EPS8L2: variants seen among roughly 807,000 people sequenced by gnomAD.
The protein encoded by EPS8L2 is epidermal growth factor receptor kinase substrate 8-like protein 2.
In EPS8L2, 81 loss-of-function variants were observed where a neutral mutation model predicts 99.4. That is an observed-to-expected ratio of 0.82 (90% CI 0.68 to 0.98). The LOEUF is 0.98. EPS8L2 is among the 50% of genes least tolerant of loss of function. The pLI is 0.00. For synonymous variants in EPS8L2, 509 were observed against 407.3 expected, an observed-to-expected ratio of 1.25 and a Z score of -3.01; for missense variants, 1,155 against 968.8, an observed-to-expected ratio of 1.19 and a Z score of -2.55.
Position 726,690 on chromosome 11 carries a change from T to C in EPS8L2, c.2006T>C (p.Val669Ala). ...CTCAACAAGGAGGAGCTGAAGAAAGTGTGCGGCGAGGAGGGCGTCCGCGTG... is the reference window on the plus strand; with the variant it reads ...CTCAACAAGGAGGAGCTGAAGAAAGCGTGCGGCGAGGAGGGCGTCCGCGTG... ...FSLNKEELKK[V>A]CGEEGVRVYS... Residue 669 changes from valine to alanine, a missense_variant, in exon 20 of 21, where the codon GTG becomes GCG. Transcript: ENST00000318562. 1 of 1,586,126 alleles carries C rather than the reference T, an allele frequency of 6.3e-7. No homozygotes were observed. The highest frequency in any genetic ancestry group is 8.6e-7 in the Non-Finnish European group (1 of 1,167,732).
chr11:721,095 T>C lies in EPS8L2; in HGVS notation c.589T>C (p.Ser197Pro), dbSNP rs1051208606. The C allele has an allele frequency of 5.8e-5, 88 of 1,516,774 alleles. No individual in the cohort carries two copies. The highest frequency in any genetic ancestry group is 7.5e-5 in the Non-Finnish European group (85 of 1,133,554). 94.0% of individuals were successfully genotyped at this position (1,516,774 alleles called of 1,614,324 possible). Residue 197 changes from serine (S) to proline (P), a missense_variant, in exon 8 of 21, where the codon TCC (serine) becomes CCC (proline). Physicochemically the swap from Ser to Pro is moderately conservative, Grantham distance 74 (BLOSUM62 -1). Transcript: ENST00000318562. ...CCAGGAGAAGATTCGGCAGCGGCAGTCCATCCTGCCTCCTCCCCAGGGCCC... is the reference window on the plus strand; with the variant it reads ...CCAGGAGAAGATTCGGCAGCGGCAGCCCATCCTGCCTCCTCCCCAGGGCCC... The part of the protein sequence containing the change: ...GHQEKIRQRQ[S>P]ILPPPQGPAP...
intron 4 of EPS8L2, among the ~76,000 whole-genome samples, chr11:716,651 T>C (rs1187263792): frequency 3.3e-5 from 5 of 152,252 alleles, no homozygotes; most frequent in Non-Finnish European, 5.9e-5. Flanking sequence ...TTCCACAAAT[T>C]GTGATATGTA....
chr11:718,831 G>C (rs907823609), intron 4 of EPS8L2, among the ~76,000 whole-genome samples: 2 of 151,636 alleles, frequency 1.3e-5, no homozygotes, highest in Non-Finnish European at 2.9e-5. Flanking sequence ...ACCACGCCTG[G>C]CTAATTTTTT....
Position 724,436 on chromosome 11 carries a change from T to C in EPS8L2, c.1455-288T>C, listed in dbSNP as rs1862264370. ...CTCTGGTTCCCCTGGGGTGCCGGAC[T>C]GGAGACCCCTGAGGTGGCCTGGGAT... is the stretch of plus-strand genomic sequence containing the variant. On this transcript the variant is annotated intron_variant, in intron 15 of 20. Coordinates refer to ENST00000318562, the MANE Select transcript of EPS8L2 (RefSeq NM_022772.4). The surrounding 1 kb of genome is among the most constrained non-coding windows in gnomAD (Gnocchi z 5.5). The C allele has an allele frequency of 2.3e-6, 1 of 434,994 alleles. No individual in the cohort carries two copies. The highest frequency in any genetic ancestry group is 4.2e-6 in the Non-Finnish European group (1 of 237,106). 26.9% of individuals were successfully genotyped at this position (434,994 alleles called of 1,614,324 possible). A position where few individuals can be genotyped will look rare whatever the true frequency, so the allele number is the denominator to read the frequency against.
At position 720,857 on chromosome 11, in the gene EPS8L2, A is replaced by T; in HGVS notation, c.505A>T (p.Ser169Cys). ...EAELVHEDIE[S>C]ALADCRLGKK... is the part of the protein sequence containing the mutation. ...AGAGCTGGTGCACGAGGACATCGAGAGCGCGTTGGCCGACTGCCGGCTGGG... is the reference window on the plus strand; with the variant it reads ...AGAGCTGGTGCACGAGGACATCGAGTGCGCGTTGGCCGACTGCCGGCTGGG... The change falls in exon 7 of 21, where the codon AGC becomes TGC. Residue 169 changes from serine to cysteine, a missense_variant. Ser to Cys is a moderately radical substitution (Grantham distance 112). Coordinates refer to ENST00000318562, the MANE Select transcript of EPS8L2 (RefSeq NM_022772.4). 2.7e-6 allele frequency: 4 copies of T among 1,499,036 alleles called. No homozygotes were observed. Among genetic ancestry groups the T allele is most frequent in the Non-Finnish European group, 3.6e-6 (4 of 1,119,620 alleles). 92.9% of individuals were successfully genotyped at this position (1,499,036 alleles called of 1,614,324 possible). A position where few individuals can be genotyped will look rare whatever the true frequency, so the allele number is the denominator to read the frequency against.
At chr11:707,278 C>G (rs1861750906) in intron 1 of EPS8L2, among the ~76,000 whole-genome samples, 1 of 152,222 alleles carries the variant, frequency 6.6e-6, no homozygotes, top group Non-Finnish European at 1.5e-5. Context: ...CTTCCTCCCT[C>G]AAGCCATAGC....
chr11:709,221 C>T (rs540002526), intron 1 of EPS8L2, 109 bp from the exon 2 acceptor site: 3 of 665,948 alleles, frequency 4.5e-6, no homozygotes, highest in African/African-American at 4.2e-5. Flanking sequence ...GCTCTGCCCC[C>T]CAAGGGACCC....
Position 725,832 on chromosome 11 carries a change from C to T in EPS8L2, c.1665C>T (p.Gly555=), listed in dbSNP as rs773941101. ...ILGEARPEDA[G]APFEQAGQKY... ...GCGAGGCGCGACCGGAGGACGCCGG[C>T]GCCCCGTTCGAGCAGGTGAGCCCGC... Residue 555 remains glycine, a synonymous_variant, in exon 17 of 21, where the codon GGC becomes GGT. Coordinates refer to ENST00000318562, the MANE Select transcript of EPS8L2 (RefSeq NM_022772.4). The T allele has an allele frequency of 7.2e-6, 10 of 1,384,814 alleles. No homozygotes were observed. The East Asian group carries it at 2.0e-4, about 27-fold the overall frequency. 85.8% of individuals were successfully genotyped at this position (1,384,814 alleles called of 1,614,324 possible).
rs1274156126 is a variant in EPS8L2 at position 723,333 on chromosome 11, C to G, written c.1434C>G (p.Val478=). 3 of 1,568,696 alleles carry G rather than the reference C, an allele frequency of 1.9e-6. No homozygotes were observed. Among genetic ancestry groups the G allele is most frequent in the Non-Finnish European group, 2.6e-6 (3 of 1,150,474 alleles). ...PTPPGDALPP[V]SSPHTHRGYQ... is the part of the protein sequence containing the mutation. Reference sequence around the variant, plus strand: ...CCCCGGGGGATGCCCTACCACCAGTCAGCTCCCCACATACTCACAGGTAAG... The same window carrying G: ...CCCCGGGGGATGCCCTACCACCAGTGAGCTCCCCACATACTCACAGGTAAG... Residue 478 remains valine, a synonymous_variant, in exon 15 of 21, where the codon GTC becomes GTG. Coordinates refer to ENST00000318562, the MANE Select transcript of EPS8L2 (RefSeq NM_022772.4).
intron 9 of EPS8L2, 61 bp downstream of exon 9, chr11:721,413 T>C: frequency 6.6e-7 from 1 of 1,512,098 alleles, no homozygotes; most frequent in East Asian, 2.5e-5. Context: ...TGGACACTGG[T>C]CCTTGCTGTC....
At chr11:711,314 CTCTCTCTCTG>C (rs781701446) in intron 4 of EPS8L2, among the ~76,000 whole-genome samples, 1 of 151,746 alleles carries the variant, frequency 6.6e-6, no homozygotes, top group Non-Finnish European at 1.5e-5. Flanking sequence ...CTTTCTTTCT[CTCTCTCTCTG>C]TCTCTCTCTT....
chr11:726,981 G>C lies in EPS8L2; in HGVS notation c.2148G>C (p.Ter716TyrextTer40), dbSNP rs1298600237. The C allele has an allele frequency of 1.2e-6, 2 of 1,611,794 alleles. No homozygotes were observed. The highest frequency in any genetic ancestry group is 2.2e-5 in the East Asian group (1 of 44,864). ...SMNQRRGEDS* is the reference protein window; with the variant it reads ...SMNQRRGEDSY ...ATCAGAGGAGGGGGGAGGACAGCTA[G>C]GCCCAGCTGCCTTGGGCTGGGGCCT... The change falls in exon 21 of 21, where the codon TAG becomes TAC. Residue 716 changes from the stop codon to tyrosine (Y), a stop_lost. Transcript: ENST00000318562.
chr11:719,709 G>A (rs1862106635), intron 4 of EPS8L2, among the ~76,000 whole-genome samples: 2 of 152,238 alleles, frequency 1.3e-5, no homozygotes, highest in Admixed American at 1.3e-4. Flanking sequence ...TTGTAGCCAG[G>A]TGGCCACAGA....
Position 709,536 on chromosome 11 carries a change from C to A in EPS8L2, c.45-17C>A. ...GGGGTGCAGTTTGGCCCTGCCCTGA[C>A]AGCCCCTCCCCTGCAGTGGCAGCCT... is the stretch of plus-strand genomic sequence containing the variant. On this transcript the variant is annotated splice_polypyrimidine_tract_variant and intron_variant, in intron 2 of 20. Coordinates refer to ENST00000318562, the MANE Select transcript of EPS8L2 (RefSeq NM_022772.4). 6.2e-7 allele frequency: 1 copy of A among 1,610,020 alleles called. No individual in the cohort carries two copies. Among genetic ancestry groups the A allele is most frequent in the Non-Finnish European group, 8.5e-7 (1 of 1,178,120 alleles).
intron 4 of EPS8L2, among the ~76,000 whole-genome samples, chr11:717,541 A>C (rs1272614758): frequency 6.6e-6 from 1 of 152,110 alleles, no homozygotes; most frequent in Non-Finnish European, 1.5e-5. Flanking sequence ...CCATAAGTAA[A>C]ACCCACAATG....
Position 714,968 on chromosome 11 carries a change from C to T in EPS8L2, c.165+4482C>T, listed in dbSNP as rs112721097. Among the ~76,000 whole-genome samples the T allele has an allele frequency of 6.9e-3, 1,045 of 152,162 alleles. 7 individuals carry two copies. Among genetic ancestry groups the T allele is most frequent in the African/African-American group, 0.019 (792 of 41,510 alleles). On this transcript the variant is annotated intron_variant, in intron 4 of 20. Transcript: ENST00000318562. ...TTTCAGAAAGAGTTTGTGGGCCGGG[C>T]GCGGTGGCTCATGCCTGTAATCCCA...
intron 1 of EPS8L2, among the ~76,000 whole-genome samples, chr11:707,866 T>C (rs1256636639): frequency 6.6e-6 from 1 of 152,086 alleles, no homozygotes; most frequent in Non-Finnish European, 1.5e-5. Flanking sequence ...TGGACACACG[T>C]GCCTGGCGCC....
Position 721,555 on chromosome 11 carries a change from C to A in EPS8L2, c.769-10C>A. ...GTCAGGGGCTGACCCCTGACCCCCT[C>A]TGACCCCAGCAAATCCTCAACTGCG... On this transcript the variant is annotated splice_polypyrimidine_tract_variant and intron_variant, in intron 9 of 20. Transcript: ENST00000318562. 1 of 1,548,628 alleles carries A rather than the reference C, an allele frequency of 6.5e-7. No homozygotes were observed. The highest frequency in any genetic ancestry group is 8.7e-7 in the Non-Finnish European group (1 of 1,150,796).
chr11:707,444 C>G (rs192508613), intron 1 of EPS8L2, among the ~76,000 whole-genome samples: 4 of 152,252 alleles, frequency 2.6e-5, no homozygotes, highest in Admixed American at 1.3e-4. Flanking sequence ...GAGCCCGTCC[C>G]TCTACCCTCC....
Sources: allele counts gnomAD v4.1 joint callset (sites outside exome capture counted in the v4.1 genomes callset), GRCh38; gene constraint gnomAD v4.1.1; non-coding constraint Gnocchi (gnomAD v3.1); transcripts MANE v1.5; gene names NCBI Gene and HGNC (gene_info 2026-07-23, HGNC 2026-07-21).